The following ABHD2 variants were observed in gnomAD, a reference collection of about 807,000 sequenced individuals.
ABHD2 encodes the protein abhydrolase domain containing 2, acylglycerol lipase.
Under a neutral mutation model 48.1 loss-of-function variants are expected in ABHD2, and 20 were observed. That is an observed-to-expected ratio of 0.42 (90% confidence interval 0.29 to 0.60). ABHD2 has a LOEUF of 0.60. Ranked by LOEUF, ABHD2 falls within the 20% of genes least tolerant of loss-of-function variation. The probability of loss-of-function intolerance (pLI) is 0.24; values close to 1 mark genes in which losing one functional copy is unlikely to be tolerated. For synonymous variants in ABHD2, 209 were observed against 214.2 expected, an observed-to-expected ratio of 0.98 and a Z score of 0.21; for missense variants, 405 against 550.9, an observed-to-expected ratio of 0.74 and a Z score of 2.65.
At chr15:89,081,220 G>A in the ABHD2 span, among the ~76,000 whole-genome samples, 2 of 117,034 alleles carry the variant, frequency 1.7e-5, no homozygotes, top group African/African-American at 6.7e-5. Context: ...GGATCTCACT[G>A]TATTGCCCAG....
intron 5 of ABHD2, among the ~76,000 whole-genome samples, chr15:89,163,535 C>T (rs1053029183): frequency 1.3e-5 from 2 of 152,208 alleles, no homozygotes; most frequent in African/African-American, 4.8e-5. Flanking sequence ...GGTTAAGTAC[C>T]TTGACCTGAG....
chr15:89,115,367 GGTATGTGTGTGTGTGTGTGTGTGT>G (rs761052865), intron 2 of ABHD2, among the ~76,000 whole-genome samples: 32,745 of 117,496 alleles, frequency 0.28, 4,331 homozygotes, highest in Non-Finnish European at 0.34. Context: ...TATGTTTGGA[GGTATGTGTGTGTGTGTGTGTGTGT>G]GTGTGTGTGT....
At chr15:89,080,004 T>C in the ABHD2 span, among the ~76,000 whole-genome samples, 1 of 152,172 alleles carries the variant, frequency 6.6e-6, no homozygotes, top group African/African-American at 2.4e-5. Flanking sequence ...CCCCCAATCA[T>C]AGGGCAGAAA....
the ABHD2 span, chr15:89,070,147 A>G: frequency 6.6e-6 from 1 of 152,234 alleles, no homozygotes; most frequent in Non-Finnish European, 1.5e-5. Flanking sequence ...AGCAGGCTCT[A>G]TCTGGAACAT....
Position 89,102,525 on chromosome 15 carries a change from A to T in ABHD2, c.-106-11200A>T, listed in dbSNP as rs1283711616. The T allele has an allele frequency of 1.3e-5, 2 of 152,232 alleles. No individual in the cohort carries two copies. The allele number at this position is 152,232 out of a possible 1,614,324, so 9.4% of individuals were successfully genotyped here. A position where few individuals can be genotyped will look rare whatever the true frequency, so the allele number is the denominator to read the frequency against. Reference sequence around the variant, plus strand: ...GTTCTGTCCTCTTCATTTGCAAGCCACTGCTTTATCCACGAGGGTGCTCCC... The same window carrying T: ...GTTCTGTCCTCTTCATTTGCAAGCCTCTGCTTTATCCACGAGGGTGCTCCC... On this transcript the variant is annotated intron_variant, in intron 1 of 10. Coordinates refer to ENST00000352732, the MANE Select transcript of ABHD2 (RefSeq NM_152924.5). The surrounding 1 kb of genome is among the most constrained non-coding windows in gnomAD (Gnocchi z 4.8).
chr15:89,065,947 G>A, the ABHD2 span, among the ~76,000 whole-genome samples: 1 of 152,146 alleles, frequency 6.6e-6, no homozygotes, highest in Non-Finnish European at 1.5e-5. Flanking sequence ...TACATTATCT[G>A]AAGAGTACAT....
At chr15:89,062,812 A>G in the ABHD2 span, among the ~76,000 whole-genome samples, 5 of 152,152 alleles carry the variant, frequency 3.3e-5, no homozygotes, top group African/African-American at 7.2e-5. Flanking sequence ...TGAGAATGTC[A>G]AAGAAGAGAC....
intron 1 of ABHD2, among the ~76,000 whole-genome samples, chr15:89,090,595 A>G (rs1901557253): frequency 6.6e-6 from 1 of 151,086 alleles, no homozygotes; most frequent in Non-Finnish European, 1.5e-5. Context: ...TTTGTGATTC[A>G]GGTAATTTAG....
At position 89,186,786 on chromosome 15, in the gene ABHD2, T is replaced by A. The variant is rs979042621; in HGVS notation, c.815+1270T>A. 1.3e-5 allele frequency among the ~76,000 whole-genome samples: 2 copies of A among 152,158 alleles called. No individual in the cohort carries two copies. Among genetic ancestry groups the A allele is most frequent in the Admixed American group, 6.5e-5 (1 of 15,276 alleles). On this transcript the variant is annotated intron_variant, in intron 7 of 10. Coordinates refer to ENST00000352732, the MANE Select transcript of ABHD2 (RefSeq NM_152924.5). The surrounding 1 kb of genome is among the most constrained non-coding windows in gnomAD (Gnocchi z 4.3). ...AAGCAATCTGACTAAATGATCAATT[T>A]CTTGTTCTCTTTTTTCCAGTGGCTA...
rs753479715 is a variant in ABHD2 at position 89,198,338 on chromosome 15, CACTT to C, written c.*2918_*2921del. The C allele has an allele frequency of 1.8e-4, 28 of 152,216 alleles. No individual in the cohort carries two copies. The highest frequency in any genetic ancestry group is 2.6e-4 in the Non-Finnish European group (18 of 68,046). 9.4% of individuals were successfully genotyped at this position (152,216 alleles called of 1,614,324 possible). A position where few individuals can be genotyped will look rare whatever the true frequency, so the allele number is the denominator to read the frequency against. ...CCGTGTCTCATAAGCAATTTGAAGA[CACTT>C]ACAAGTAACTGATTCCAGTCAAATT... On this transcript the variant is annotated 3_prime_UTR_variant, in exon 11 of 11. Transcript: ENST00000352732. This position sits in a 1 kb window ranked among gnomAD's most constrained non-coding sequence, Gnocchi z 5.1.
the ABHD2 span, among the ~76,000 whole-genome samples, chr15:89,081,737 G>C: frequency 6.6e-6 from 1 of 152,064 alleles, no homozygotes; most frequent in Non-Finnish European, 1.5e-5. Context: ...TGTAATCCCA[G>C]CTACTCGGGA....
chr15:89,053,541 C>T, the ABHD2 span, among the ~76,000 whole-genome samples: 3 of 152,190 alleles, frequency 2.0e-5, no homozygotes, highest in African/African-American at 7.2e-5. Context: ...CAATACTAAC[C>T]ACCCAATCAG....
At position 89,164,173 on chromosome 15, in the gene ABHD2, C is replaced by T. The variant is rs1567099215; in HGVS notation, c.538+8639C>T. Among the ~76,000 whole-genome samples the T allele has an allele frequency of 6.6e-6, 1 of 152,084 alleles. No homozygotes were observed. On this transcript the variant is annotated intron_variant, in intron 5 of 10. Coordinates refer to ENST00000352732, the MANE Select transcript of ABHD2 (RefSeq NM_152924.5). This position sits in a 1 kb window ranked among gnomAD's most constrained non-coding sequence, Gnocchi z 5.0. ...GGGAATACAGGTGTGGATTCGAGTC[C>T]CTGCCTTCAGGAAGATCCCAGTCTA...
rs4032279 is a variant in ABHD2 at position 89,146,355 on chromosome 15, CGTGTGTGTGTGTGTGTGTGT to C, written c.195-5297_195-5278del. On this transcript the variant is annotated intron_variant, in intron 3 of 10. Coordinates refer to ENST00000352732, the MANE Select transcript of ABHD2 (RefSeq NM_152924.5). The surrounding 1 kb of genome is among the most constrained non-coding windows in gnomAD (Gnocchi z 4.2). ...TGAGCTTCATCTGCTCAAAGACGTA[CGTGTGTGTGTGTGTGTGTGT>C]GTGTGTGTGTGTGTGTGTGTGTGTA... Among the ~76,000 whole-genome samples the C allele has an allele frequency of 5.8e-5, 7 of 121,652 alleles. No individual in the cohort carries two copies. Among genetic ancestry groups the C allele is most frequent in the East Asian group, 4.7e-4 (2 of 4,256 alleles). 79.8% of individuals were successfully genotyped at this position (121,652 alleles called of 152,430 possible).
intron 3 of ABHD2, among the ~76,000 whole-genome samples, chr15:89,123,593 CTTTTTTTT>C (rs138910210): frequency 1.0e-3 from 100 of 96,660 alleles, no homozygotes; most frequent in African/African-American, 3.8e-3. Flanking sequence ...TTCTTTCTTT[CTTTTTTTT>C]TTTTTTTTTT....
rs112163755 is a variant in ABHD2, at chr15:89,099,097, G to A, written c.-107+10534G>A. ...GCCTGCATTAATAGTAACTCACAGC[G>A]GTTGTGAGCACCAAATGAGGTAATG... On this transcript the variant is annotated intron_variant, in intron 1 of 10. Transcript: ENST00000352732. Among the ~76,000 whole-genome samples, 357 of 152,292 alleles carry A rather than the reference G, an allele frequency of 2.3e-3. 2 individuals carry two copies. Among genetic ancestry groups the A allele is most frequent in the South Asian group, 7.2e-3 (35 of 4,830 alleles).
chr15:89,118,236 T>G (rs865800423), intron 3 of ABHD2, among the ~76,000 whole-genome samples: 1 of 151,914 alleles, frequency 6.6e-6, no homozygotes, highest in African/African-American at 2.4e-5. Context: ...CGGGCTGGAG[T>G]GCAGTAGCAT....
intron 5 of ABHD2, among the ~76,000 whole-genome samples, chr15:89,171,244 C>G (rs1257342269): frequency 6.6e-6 from 1 of 152,226 alleles, no homozygotes; most frequent in Non-Finnish European, 1.5e-5. Flanking sequence ...TCTCAGCCCA[C>G]CCAGACCAGT....
intron 5 of ABHD2, among the ~76,000 whole-genome samples, chr15:89,160,665 A>C (rs1172063578): frequency 6.6e-6 from 1 of 152,278 alleles, no homozygotes; most frequent in African/African-American, 2.4e-5. Flanking sequence ...GGCTTAGCTG[A>C]GGGGCCTCTG....
Sources: gnomAD v4.1 joint callset for allele counts (sites outside exome capture counted in the v4.1 genomes callset) on GRCh38, gnomAD v4.1.1 for gene constraint, Gnocchi (gnomAD v3.1) non-coding constraint, MANE v1.5 for transcripts, NCBI Gene and HGNC (gene_info 2026-07-23, HGNC 2026-07-21) for gene names.